The following ZDHHC21 variants were observed in gnomAD, a reference collection of about 807,000 sequenced individuals.
ZDHHC21 encodes palmitoyltransferase ZDHHC21.
A neutral mutation model predicts 34.6 loss-of-function variants in ZDHHC21; 15 were observed. That is an observed-to-expected ratio of 0.43 (90% CI 0.29 to 0.67). The LOEUF is 0.67. Among genes scored for constraint, ZDHHC21 ranks in the 30% least tolerant of loss-of-function variants. ZDHHC21 has a pLI of 0.14. For synonymous variants in ZDHHC21, 142 were observed against 101.8 expected (o/e 1.40, Z -2.38); for missense variants, 344 against 327.7 (o/e 1.05, Z -0.38).
At chr9:14,633,026 T>C (rs762152677) in intron 8 of ZDHHC21, among the ~76,000 whole-genome samples, 1 of 152,160 alleles carries the variant, frequency 6.6e-6, no homozygotes, top group East Asian at 1.9e-4. Flanking sequence ...AAGATAAATG[T>C]AGTTTCCATT....
At chr9:14,693,194 G>C (rs1422814912) in intron 1 of ZDHHC21, 35 bp downstream of exon 1, 3 of 338,776 alleles carry the variant, frequency 8.9e-6, no homozygotes, top group African/African-American at 2.3e-5. Flanking sequence ...ATGGGGGTGG[G>C]GGCGGCCGCT....
chr9:14,653,388 A>C (rs908997525), intron 7 of ZDHHC21, among the ~76,000 whole-genome samples: 1 of 151,856 alleles, frequency 6.6e-6, no homozygotes, highest in South Asian at 2.1e-4. Context: ...ATTATTGGTA[A>C]TTTTTTTCTA....
rs77072891 is a variant in ZDHHC21, at chr9:14,662,652, A to G, written c.254-326T>C. On this transcript the variant is annotated intron_variant, in intron 5 of 9. Coordinates refer to ENST00000380916, the MANE Select transcript of ZDHHC21 (RefSeq NM_178566.6). ...TCCAATGACAAAACCCTAGAGCCCA[A>G]CCAAATTATTATACTAAAACAATTT... 7.1e-3 allele frequency among the ~76,000 whole-genome samples: 1,080 copies of G among 152,352 alleles called. 45 individuals are homozygous for G. The highest frequency in any genetic ancestry group is 0.049 in the Admixed American group (757 of 15,310).
intron 8 of ZDHHC21, among the ~76,000 whole-genome samples, chr9:14,633,946 C>T (rs972040987): frequency 1.3e-5 from 2 of 152,208 alleles, no homozygotes; most frequent in African/African-American, 4.8e-5. Flanking sequence ...CCAATGCCTA[C>T]CACAGCCACT....
downstream of ZDHHC21, among the ~76,000 whole-genome samples, chr9:14,610,589 C>G (rs565999333): frequency 6.6e-6 from 1 of 152,076 alleles, no homozygotes; most frequent in East Asian, 1.9e-4. Context: ...TTAAGACCTG[C>G]TGATTGATTT....
At chr9:14,604,276 T>C in the ZDHHC21 span, among the ~76,000 whole-genome samples, 1 of 152,158 alleles carries the variant, frequency 6.6e-6, no homozygotes, top group Non-Finnish European at 1.5e-5. Flanking sequence ...ACAAAGGAAA[T>C]AATCCACTTA....
intron 7 of ZDHHC21, among the ~76,000 whole-genome samples, chr9:14,654,280 A>G (rs1048278189): frequency 2.0e-5 from 3 of 152,078 alleles, no homozygotes; most frequent in Non-Finnish European, 4.4e-5. Context: ...TAAATGCAAT[A>G]AATAGCATCT....
intron 8 of ZDHHC21, among the ~76,000 whole-genome samples, chr9:14,629,866 G>A (rs1300204151): frequency 6.6e-6 from 1 of 152,136 alleles, no homozygotes; most frequent in Non-Finnish European, 1.5e-5. Context: ...GGCCAACATG[G>A]TGAAATCCCA....
At chr9:14,653,707 A>G (rs1017668409) in intron 7 of ZDHHC21, among the ~76,000 whole-genome samples, 3 of 152,018 alleles carry the variant, frequency 2.0e-5, no homozygotes, top group African/African-American at 7.2e-5. Context: ...ACAACTCCAC[A>G]GGATACTGTT....
At chr9:14,603,237 T>A in the ZDHHC21 span, among the ~76,000 whole-genome samples, 1 of 151,964 alleles carries the variant, frequency 6.6e-6, no homozygotes, top group Non-Finnish European at 1.5e-5. Context: ...AGACAGAAAA[T>A]AATGTATTAA....
the ZDHHC21 span, among the ~76,000 whole-genome samples, chr9:14,600,848 A>T: frequency 6.6e-6 from 1 of 152,214 alleles, no homozygotes; most frequent in Non-Finnish European, 1.5e-5. Context: ...ACAACGCCAC[A>T]CATCTACAAC....
chr9:14,630,733 A>T (rs1452336857), intron 8 of ZDHHC21, among the ~76,000 whole-genome samples: 1 of 152,236 alleles, frequency 6.6e-6, no homozygotes, highest in Non-Finnish European at 1.5e-5. Context: ...AGCAGGCATG[A>T]AAACAACATT....
intron 7 of ZDHHC21, 131 bp downstream of exon 7, chr9:14,658,618 C>G (rs1832770748): frequency 1.6e-6 from 1 of 629,300 alleles, no homozygotes; most frequent in Non-Finnish European, 2.5e-6. Flanking sequence ...ACTACAGGCG[C>G]CCGCCACCTC....
At chr9:14,591,656 T>C in the ZDHHC21 span, among the ~76,000 whole-genome samples, 473 of 152,240 alleles carry the variant, frequency 3.1e-3, 3 homozygotes, top group South Asian at 3.7e-3. Context: ...TTCATACAAA[T>C]TGAGACATAA....
At chr9:14,602,299 C>A in the ZDHHC21 span, among the ~76,000 whole-genome samples, 1 of 151,806 alleles carries the variant, frequency 6.6e-6, no homozygotes, top group Non-Finnish European at 1.5e-5. Flanking sequence ...ATAATTCAGT[C>A]AAATTTAAAA....
intron 3 of ZDHHC21, among the ~76,000 whole-genome samples, chr9:14,675,115 AAGACTC>A (rs1836141090): frequency 6.6e-6 from 1 of 152,010 alleles, no homozygotes; most frequent in Non-Finnish European, 1.5e-5. Flanking sequence ...TCAACTGAAG[AAGACTC>A]CTGTTTAAAT....
intron 8 of ZDHHC21, among the ~76,000 whole-genome samples, chr9:14,631,207 A>G (rs569791060): frequency 1.3e-5 from 2 of 152,300 alleles, no homozygotes; most frequent in East Asian, 3.9e-4. Flanking sequence ...CTTTTGGATA[A>G]TTTGTTGCAA....
At chr9:14,657,821 T>C (rs7851657) in intron 7 of ZDHHC21, among the ~76,000 whole-genome samples, 151,196 of 152,294 alleles carry the variant, frequency 0.99, 75,060 homozygotes, top group Middle Eastern at 1. Context: ...TACCTTAATC[T>C]TACTGAGGAA....
intron 2 of ZDHHC21, among the ~76,000 whole-genome samples, chr9:14,682,539 G>A (rs1343105479): frequency 6.6e-6 from 1 of 152,116 alleles, no homozygotes; most frequent in Non-Finnish European, 1.5e-5. Context: ...GATTCATAAA[G>A]CAAGTCCTTA....
Sources: gnomAD v4.1 joint callset for allele counts (sites outside exome capture counted in the v4.1 genomes callset) on GRCh38, gnomAD v4.1.1 for gene constraint, MANE v1.5 for transcripts, NCBI Gene and HGNC (gene_info 2026-07-23, HGNC 2026-07-21) for gene names.